The following GRK3 variants were observed in gnomAD, a reference collection of about 807,000 sequenced individuals.
GRK3 encodes adrenergic, beta, receptor kinase 2.
In GRK3, 54 loss-of-function variants were observed where a neutral mutation model predicts 95.7. The observed-to-expected ratio is 0.56, with a 90% CI of 0.45 to 0.71. GRK3 has a LOEUF of 0.71. GRK3 is among the 30% of genes least tolerant of loss of function. The pLI is 0.00. For missense variants in GRK3, 649 were observed against 851.2 expected (o/e 0.76, Z 2.96); for synonymous variants, 281 against 290.8 (o/e 0.97, Z 0.34).
chr22:25,600,794 A>G (rs775155891), intron 1 of GRK3, among the ~76,000 whole-genome samples: 1 of 152,224 alleles, frequency 6.6e-6, no homozygotes, highest in Non-Finnish European at 1.5e-5. Flanking sequence ...ATGTGAAGAT[A>G]TAAATCCTTA....
At chr22:25,708,202 G>A (rs1458400213) in intron 15 of GRK3, among the ~76,000 whole-genome samples, 1 of 152,098 alleles carries the variant, frequency 6.6e-6, no homozygotes, top group Non-Finnish European at 1.5e-5. Flanking sequence ...AGCCGAGATG[G>A]CGCCACTGCA....
chr22:25,590,432 T>C (rs1284082004), intron 1 of GRK3, among the ~76,000 whole-genome samples: 1 of 152,226 alleles, frequency 6.6e-6, no homozygotes, highest in Admixed American at 6.5e-5. Context: ...ATCATTATTT[T>C]CTCTTGAGAC....
At chr22:25,614,695 C>T (rs4049405) in intron 2 of GRK3, among the ~76,000 whole-genome samples, 17 of 152,242 alleles carry the variant, frequency 1.1e-4, no homozygotes, top group Admixed American at 2.0e-4. Flanking sequence ...AATTAGCATG[C>T]ATATGAAGTT....
At chr22:25,607,934 A>G (rs1420841032) in intron 2 of GRK3, among the ~76,000 whole-genome samples, 1 of 152,048 alleles carries the variant, frequency 6.6e-6, no homozygotes, top group Non-Finnish European at 1.5e-5. Context: ...CTGTAAACTG[A>G]GACTTTGCTC....
At position 25,690,177 on chromosome 22, in the gene GRK3, C is replaced by T. The variant is rs756230785; in HGVS notation, c.958-12C>T. 51 of 1,608,448 alleles carry T rather than the reference C, an allele frequency of 3.2e-5. No homozygotes were observed. The East Asian group carries it at 1.1e-3, about 34-fold the overall frequency. On this transcript the variant is annotated splice_polypyrimidine_tract_variant and intron_variant, in intron 11 of 20. Transcript: ENST00000324198. ...GGGCACTCTTATTAAAGATTATTCT[C>T]TTTCTGTTTAGCCAGCAAATATTCT...
chr22:25,618,860 G>A (rs1038046585), intron 2 of GRK3, among the ~76,000 whole-genome samples: 2 of 151,834 alleles, frequency 1.3e-5, no homozygotes, highest in Non-Finnish European at 1.5e-5. Context: ...CTGTCCTAAG[G>A]TACCTCTAGG....
chr22:25,707,398 CT>C (rs1395993990), intron 15 of GRK3, among the ~76,000 whole-genome samples: 1 of 152,222 alleles, frequency 6.6e-6, no homozygotes, highest in Admixed American at 6.5e-5. Context: ...GGATCCCATT[CT>C]TTCATTCAAT....
At chr22:25,621,466 T>G (rs2084585610) in intron 2 of GRK3, among the ~76,000 whole-genome samples, 1 of 152,132 alleles carries the variant, frequency 6.6e-6, no homozygotes, top group Admixed American at 6.5e-5. Context: ...TTCACAGGAA[T>G]AGGCAGAGTT....
At chr22:25,640,564 C>A (rs906528108) in intron 2 of GRK3, among the ~76,000 whole-genome samples, 2 of 152,180 alleles carry the variant, frequency 1.3e-5, no homozygotes, top group Non-Finnish European at 2.9e-5. Flanking sequence ...ATCTCCTTGG[C>A]AAAACTGAGG....
rs116307867 is a variant in GRK3, at chr22:25,695,543, A to T, written c.1160+329A>T. 3.8e-3 allele frequency among the ~76,000 whole-genome samples: 573 copies of T among 152,330 alleles called. 5 individuals are homozygous for T. The highest frequency in any genetic ancestry group is 0.013 in the African/African-American group (559 of 41,552). On this transcript the variant is annotated intron_variant, in intron 13 of 20. Coordinates refer to ENST00000324198, the MANE Select transcript of GRK3 (RefSeq NM_005160.4). ...TATTGTTTTGAAATGTAGGTAATTT[A>T]AAAAGGTAGAATGATTTTTTCCCTA...
intron 7 of GRK3, among the ~76,000 whole-genome samples, chr22:25,673,008 ATTTT>A (rs3884806): frequency 1.1e-4 from 12 of 110,496 alleles, no homozygotes; most frequent in African/African-American, 3.9e-4. Flanking sequence ...ATCAACCGGA[ATTTT>A]TTTTTTTTTT....
intron 3 of GRK3, among the ~76,000 whole-genome samples, chr22:25,661,262 A>G (rs1252199022): frequency 6.6e-6 from 1 of 152,224 alleles, no homozygotes; most frequent in Non-Finnish European, 1.5e-5. Flanking sequence ...ATTGGCAAGG[A>G]TGCATGGTCT....
At chr22:25,587,332 A>G (rs1205725973) in intron 1 of GRK3, among the ~76,000 whole-genome samples, 1 of 152,258 alleles carries the variant, frequency 6.6e-6, no homozygotes. Context: ...TGCCACAGCC[A>G]TAGAACATAG....
intron 3 of GRK3, chr22:25,648,411 T>A (rs2084802971): frequency 5.4e-6 from 7 of 1,285,218 alleles, no homozygotes; most frequent in Non-Finnish European, 7.9e-6. Flanking sequence ...AAAAGATGCT[T>A]GGGAAATCCC....
chr22:25,604,413 A>G lies in GRK3; in HGVS notation c.150A>G (p.Arg50=). 1.2e-6 allele frequency: 2 copies of G among 1,612,460 alleles called. No individual in the cohort carries two copies. Among genetic ancestry groups the G allele is most frequent in the Non-Finnish European group, 1.7e-6 (2 of 1,179,396 alleles). ...TGATGCAGAAGTACCTTGCAGAGAG[A>G]AATGAAATAACCTTTGACAAGATTT... ...RSVMQKYLAE[R]NEITFDKIFN... The change falls in exon 2 of 21, where the codon AGA becomes AGG. Residue 50 remains arginine (R), a synonymous_variant. Transcript: ENST00000324198.
chr22:25,575,675 G>C (rs899505993), intron 1 of GRK3, among the ~76,000 whole-genome samples: 2 of 152,144 alleles, frequency 1.3e-5, no homozygotes, highest in African/African-American at 4.8e-5. Flanking sequence ...ATGTTTTATA[G>C]TTTTATATAT....
intron 2 of GRK3, among the ~76,000 whole-genome samples, chr22:25,642,509 G>A (rs1251031868): frequency 6.6e-6 from 1 of 152,090 alleles, no homozygotes; most frequent in African/African-American, 2.4e-5. Context: ...ATGGATTTAG[G>A]GGGTACAAGT....
chr22:25,607,277 C>T (rs895247728), intron 2 of GRK3, among the ~76,000 whole-genome samples: 2 of 152,064 alleles, frequency 1.3e-5, no homozygotes, highest in African/African-American at 4.8e-5. Context: ...ACCTTTATCC[C>T]AAACGTGAAA....
In GRK3 at chr22:25,600,413, T is replaced by TA. The variant is rs1376352498; in HGVS notation, c.114-3963dup. 2.0e-5 allele frequency among the ~76,000 whole-genome samples: 3 copies of TA among 152,304 alleles called. No individual in the cohort carries two copies. The East Asian group carries it at 5.8e-4, about 29-fold the overall frequency. On this transcript the variant is annotated intron_variant, in intron 1 of 20. Transcript: ENST00000324198. ...CCTCGGCCTCCCAAAGTGCTGGGAT[T>TA]ACAGGTGTGAGCCGCCGTGCCTGGC...
Sources: gnomAD v4.1 joint callset for allele counts (sites outside exome capture counted in the v4.1 genomes callset) on GRCh38, gnomAD v4.1.1 for gene constraint, MANE v1.5 for transcripts, NCBI Gene and HGNC (gene_info 2026-07-23, HGNC 2026-07-21) for gene names.